AKAP11: variants seen among roughly 807,000 people sequenced by gnomAD.
The protein encoded by AKAP11 is A-kinase anchor protein 11.
AKAP11 carries 36 observed loss-of-function variants against 146.1 expected under a neutral mutation model. That is an observed-to-expected ratio of 0.25 (90% CI 0.19 to 0.33). The LOEUF (loss-of-function observed/expected upper bound fraction) is 0.33. AKAP11 is among the 10% of genes least tolerant of loss of function. AKAP11 has a pLI of 1.00. For missense variants in AKAP11, 2,201 were observed against 2,197.0 expected (o/e 1.00, Z -0.04); for synonymous variants, 780 against 786.5 (o/e 0.99, Z 0.14).
intron 4 of AKAP11, among the ~76,000 whole-genome samples, chr13:42,294,269 T>A (rs1436602533): frequency 6.6e-6 from 1 of 152,196 alleles, no homozygotes; most frequent in African/African-American, 2.4e-5. Context: ...TTAGCCACAG[T>A]GGTTGCTTAG....
chr13:42,288,074 G>A (rs1959179925), intron 3 of AKAP11, among the ~76,000 whole-genome samples: 1 of 152,120 alleles, frequency 6.6e-6, no homozygotes, highest in Admixed American at 6.5e-5. Flanking sequence ...TATATAAACA[G>A]TTATGCACAC....
Position 42,302,545 on chromosome 13 carries a change from G to A in AKAP11, c.3799G>A (p.Val1267Ile). The A allele has an allele frequency of 1.2e-6, 2 of 1,614,164 alleles. No homozygotes were observed. Among genetic ancestry groups the A allele is most frequent in the Non-Finnish European group, 1.7e-6 (2 of 1,180,022 alleles). Residue 1267 changes from valine (V) to isoleucine (I), a missense_variant, in exon 8 of 13, where the codon GTC (valine) becomes ATC (isoleucine). Val to Ile is a conservative substitution (Grantham distance 29, BLOSUM62 3). Around this residue, in one of 3 missense-constraint regions of AKAP11, gnomAD observed 1,867 missense variants for 1,833.5 expected, o/e 1.02. Coordinates refer to ENST00000025301, the MANE Select transcript of AKAP11 (RefSeq NM_016248.4). ...TTTTGCGGGTGATCTGGCAGCAGAA[G>A]TCATTACAGAAGCTGAGAAAATAGC... ...CNFAGDLAAE[V>I]ITEAEKIAKV... is the part of the protein sequence containing the mutation.
Position 42,292,405 on chromosome 13 carries a change from C to G in AKAP11, c.72C>G (p.Phe24Leu). The G allele has an allele frequency of 3.2e-6, 5 of 1,577,950 alleles. No homozygotes were observed. The highest frequency in any genetic ancestry group is 4.3e-6 in the Non-Finnish European group (5 of 1,154,748). The change falls in exon 4 of 13, where the codon TTC (phenylalanine) becomes TTG (leucine). Residue 24 changes from phenylalanine (F) to leucine (L), a missense_variant. Phe to Leu is a conservative substitution (Grantham distance 22). This residue lies in a region of AKAP11 where 331 missense variants were observed against 347.4 expected (regional missense o/e 0.95). Coordinates refer to ENST00000025301, the MANE Select transcript of AKAP11 (RefSeq NM_016248.4). ...TGCAGAGCTTCAGTGAAGATGTGTT[C>G]CAGTCTGTAAAGTCTTTATTGCAGA... Reference protein sequence around the residue: ...SVRKSFSEDVFQSVKSLLQSQ... With the variant: ...SVRKSFSEDVLQSVKSLLQSQ...
Position 42,303,664 on chromosome 13 carries a change from A to AT in AKAP11, c.4920dup (p.His1641SerfsTer3). ...GATTTTTCATCTCAGTGTCCCTCAG[A>AT]TTCATGTTAATCTTGATAAGAAGGC... is the stretch of plus-strand genomic sequence containing the variant. On this transcript the variant is annotated frameshift_variant, in exon 8 of 13. Transcript: ENST00000025301. LOFTEE classifies it high-confidence loss of function. 1 of 1,614,140 alleles carries AT rather than the reference A, an allele frequency of 6.2e-7. No individual in the cohort carries two copies. Among genetic ancestry groups the AT allele is most frequent in the Non-Finnish European group, 8.5e-7 (1 of 1,179,992 alleles).
In AKAP11 at chr13:42,313,928, G is replaced by A. The variant is rs772285202; in HGVS notation, c.5392G>A (p.Asp1798Asn). The A allele has an allele frequency of 1.2e-6, 2 of 1,613,698 alleles. No individual in the cohort carries two copies. The highest frequency in any genetic ancestry group is 1.7e-6 in the Non-Finnish European group (2 of 1,179,730). ...GPDDKDEEHE[D>N]EVEGLGQDGK... ...AGATGATAAAGATGAAGAGCATGAG[G>A]ACGAAGTAGAAGGTAATTTGATTTG... Residue 1798 changes from aspartate (D) to asparagine (N), a missense_variant, in exon 11 of 13, where the codon GAC becomes AAC. Coordinates refer to ENST00000025301, the MANE Select transcript of AKAP11 (RefSeq NM_016248.4).
In AKAP11 at chr13:42,272,196, A is replaced by T. The variant is rs538389059; in HGVS notation, c.-132A>T. 2.0e-5 allele frequency: 3 copies of T among 152,848 alleles called. No homozygotes were observed. Among genetic ancestry groups the T allele is most frequent in the Admixed American group, 6.5e-5 (1 of 15,272 alleles). 9.5% of individuals were successfully genotyped at this position (152,848 alleles called of 1,614,324 possible). Reference sequence around the variant, plus strand: ...CTCACGGGTCGTTGAGGCCGGTGACATGTCTGTGAGCTGCGGAGGCTGCGG... The same window carrying T: ...CTCACGGGTCGTTGAGGCCGGTGACTTGTCTGTGAGCTGCGGAGGCTGCGG... On this transcript the variant is annotated 5_prime_UTR_variant, in exon 1 of 13. An upstream start codon of the reference 5' UTR is lost. Coordinates refer to ENST00000025301, the MANE Select transcript of AKAP11 (RefSeq NM_016248.4).
chr13:42,273,576 A>G (rs1958834550), intron 1 of AKAP11, among the ~76,000 whole-genome samples: 1 of 152,190 alleles, frequency 6.6e-6, no homozygotes, highest in Non-Finnish European at 1.5e-5. Flanking sequence ...ATGTACCCAC[A>G]TAACTGCAGT....
intron 9 of AKAP11, among the ~76,000 whole-genome samples, chr13:42,312,060 T>A (rs1960592336): frequency 1.3e-5 from 2 of 152,292 alleles, no homozygotes; most frequent in South Asian, 4.1e-4. Context: ...AATGATTTTA[T>A]GTTTACTTTT....
At chr13:42,310,742 C>T (rs1240110132) in intron 9 of AKAP11, among the ~76,000 whole-genome samples, 1 of 151,836 alleles carries the variant, frequency 6.6e-6, no homozygotes, top group Non-Finnish European at 1.5e-5. Flanking sequence ...ACCTGTAATC[C>T]CAGCTACTTG....
intron 1 of AKAP11, among the ~76,000 whole-genome samples, chr13:42,283,135 T>C (rs1008246827): frequency 1.3e-5 from 2 of 152,236 alleles, no homozygotes; most frequent in Non-Finnish European, 2.9e-5. Context: ...CAAAAGTATG[T>C]CATATCATCT....
At position 42,300,552 on chromosome 13, in the gene AKAP11, G is replaced by C. The variant is rs771119718; in HGVS notation, c.1806G>C (p.Gln602His). Residue 602 changes from glutamine to histidine, a missense_variant, in exon 8 of 13, where the codon CAG (glutamine) becomes CAC (histidine). By Grantham distance (24) the Gln-to-His change is conservative. Coordinates refer to ENST00000025301, the MANE Select transcript of AKAP11 (RefSeq NM_016248.4). ...TGGCATTTGATGAGCTGAGAAGGCA[G>C]CGTGCATTTTCACTAAAAGAACGTG... ...LQMAFDELRR[Q>H]RAFSLKERAI... 11 of 1,614,010 alleles carry C rather than the reference G, an allele frequency of 6.8e-6. No individual in the cohort carries two copies. The highest frequency in any genetic ancestry group is 7.6e-6 in the Non-Finnish European group (9 of 1,179,934).
At position 42,288,422 on chromosome 13, in the gene AKAP11, T is replaced by G. The variant is rs561799697; in HGVS notation, c.51+2023T>G. Among the ~76,000 whole-genome samples the G allele has an allele frequency of 1.5e-3, 230 of 152,332 alleles. 1 individual carries two copies. The highest frequency in any genetic ancestry group is 4.7e-3 in the African/African-American group (197 of 41,588). ...TGCTTTGTGTCTGTGTATGTGTGTATTTACTTTCAGGCAGTACCATTTGCA... is the reference window on the plus strand; with the variant it reads ...TGCTTTGTGTCTGTGTATGTGTGTAGTTACTTTCAGGCAGTACCATTTGCA... On this transcript the variant is annotated intron_variant, in intron 3 of 12. Transcript: ENST00000025301.
At chr13:42,275,187 C>T (rs1566251022) in intron 1 of AKAP11, among the ~76,000 whole-genome samples, 1 of 152,218 alleles carries the variant, frequency 6.6e-6, no homozygotes, top group Non-Finnish European at 1.5e-5. Context: ...TATGTCTCTG[C>T]TACTCACGCA....
rs759046890 is a variant in AKAP11, at chr13:42,303,698, C to T, written c.4952C>T (p.Ala1651Val). ...HVNLDKKAVLAEKIVAEAIEK... is the reference protein window; with the variant it reads ...HVNLDKKAVLVEKIVAEAIEK... ...AATCTTGATAAGAAGGCAGTGCTTGCTGAGAAGATAGTTGCTGAAGCCATT... is the reference window on the plus strand; with the variant it reads ...AATCTTGATAAGAAGGCAGTGCTTGTTGAGAAGATAGTTGCTGAAGCCATT... Residue 1651 changes from alanine to valine, a missense_variant, in exon 8 of 13, where the codon GCT becomes GTT. Ala to Val is a moderately conservative substitution (Grantham distance 64). Coordinates refer to ENST00000025301, the MANE Select transcript of AKAP11 (RefSeq NM_016248.4). The T allele has an allele frequency of 6.2e-7, 1 of 1,614,116 alleles. No individual in the cohort carries two copies. Among genetic ancestry groups the T allele is most frequent in the South Asian group, 1.1e-5 (1 of 91,078 alleles).
intron 9 of AKAP11, among the ~76,000 whole-genome samples, chr13:42,309,336 A>G (rs770110864): frequency 2.6e-5 from 4 of 152,224 alleles, no homozygotes; most frequent in Non-Finnish European, 2.9e-5. Flanking sequence ...GAAATAATAG[A>G]TACCATTTGT....
intron 4 of AKAP11, among the ~76,000 whole-genome samples, chr13:42,294,235 C>T (rs568394338): frequency 5.7e-4 from 87 of 152,140 alleles, no homozygotes; most frequent in African/African-American, 1.9e-3. Flanking sequence ...TTAATATTGC[C>T]GTCATTTAAG....
intron 7 of AKAP11, 71 bp downstream of exon 7, chr13:42,298,868 G>T: frequency 7.0e-7 from 1 of 1,436,934 alleles, no homozygotes; most frequent in Non-Finnish European, 9.2e-7. Flanking sequence ...TTTTAAGGCA[G>T]GCTTGTTCAG....
At chr13:42,308,678 CATT>C (rs1960407338) in intron 9 of AKAP11, 69 bp downstream of exon 9, 6 of 1,212,434 alleles carry the variant, frequency 4.9e-6, no homozygotes, top group East Asian at 2.7e-5. Flanking sequence ...TATAAATTTA[CATT>C]ATTATTTAAA....
intron 7 of AKAP11, 81 bp downstream of exon 7, chr13:42,298,878 G>A (rs932705248): frequency 1.6e-5 from 22 of 1,377,872 alleles, no homozygotes; most frequent in Middle Eastern, 1.9e-4. Flanking sequence ...GGCTTGTTCA[G>A]TTGAAATTTA....
Sources: allele counts gnomAD v4.1 joint callset (sites outside exome capture counted in the v4.1 genomes callset), GRCh38; gene constraint gnomAD v4.1.1; regional missense constraint gnomAD v4.1.1; transcripts MANE v1.5; gene names NCBI Gene and HGNC (gene_info 2026-07-23, HGNC 2026-07-21).